Variants in TNIK observed in about 807,000 individuals in gnomAD.
TNIK encodes the protein TRAF2 and NCK interacting kinase, also known as TRAF2 and NCK-interacting protein kinase.
TNIK carries 49 observed loss-of-function variants against 191.3 expected under a neutral mutation model. The ratio of observed to expected loss-of-function variants is 0.26; its 90% CI spans 0.20 to 0.32. The LOEUF (loss-of-function observed/expected upper bound fraction) is 0.32, where lower values mean the gene tolerates loss of function less well. Among genes scored for constraint, TNIK ranks in the 10% least tolerant of loss-of-function variants. The pLI is 1.00. For synonymous variants in TNIK, 594 were observed against 600.9 expected, an observed-to-expected ratio of 0.99 and a Z score of 0.17; for missense variants, 1,155 against 1,702.3, an observed-to-expected ratio of 0.68 and a Z score of 5.66.
intron 2 of TNIK, among the ~76,000 whole-genome samples, chr3:171,302,205 C>G (rs1417297544): frequency 2.0e-5 from 3 of 152,088 alleles, no homozygotes; most frequent in South Asian, 2.1e-4. Flanking sequence ...TTGGATGAAG[C>G]CTGTGTTCTT....
chr3:171,458,383 A>G (rs1322644558), intron 1 of TNIK, among the ~76,000 whole-genome samples: 1 of 152,106 alleles, frequency 6.6e-6, no homozygotes, highest in East Asian at 1.9e-4. Context: ...CACTCCAGGG[A>G]AATAGACAGC....
chr3:171,163,777 A>C (rs1734287423), intron 10 of TNIK, among the ~76,000 whole-genome samples: 1 of 152,226 alleles, frequency 6.6e-6, no homozygotes, highest in Non-Finnish European at 1.5e-5. Context: ...TAAATCCTTC[A>C]TTTGTCAGGC....
chr3:171,101,505 A>ATCTTCCTCC lies in TNIK; in HGVS notation c.2526_2534dup (p.Glu842_Glu844dup), dbSNP rs770805507. On this transcript the variant is annotated inframe_insertion, in exon 22 of 33. Transcript: ENST00000436636. ...TCCCATCATGGGTCTCGCTCTCTCCATCTTCCTCCTCTTCCTCGCTACTTT... is the reference window on the plus strand; with the variant it reads ...TCCCATCATGGGTCTCGCTCTCTCCATCTTCCTCCTCTTCCTCCTCTTCCTCGCTACTTT... The ATCTTCCTCC allele has an allele frequency of 6.2e-7, 1 of 1,613,462 alleles. No individual in the cohort carries two copies. The highest frequency in any genetic ancestry group is 2.2e-5 in the East Asian group (1 of 44,884).
chr3:171,302,199 A>G (rs894612396), intron 2 of TNIK, among the ~76,000 whole-genome samples: 1 of 152,132 alleles, frequency 6.6e-6, no homozygotes, highest in Non-Finnish European at 1.5e-5. Context: ...GGCCACTTGG[A>G]TGAAGCCTGT....
At chr3:171,133,311 A>T (rs1424786753) in intron 15 of TNIK, among the ~76,000 whole-genome samples, 2 of 152,246 alleles carry the variant, frequency 1.3e-5, no homozygotes, top group Non-Finnish European at 2.9e-5. Context: ...AGAAGTGCTT[A>T]TCTATCACCT....
intron 2 of TNIK, among the ~76,000 whole-genome samples, chr3:171,238,131 G>T (rs1028599754): frequency 1.3e-5 from 2 of 152,124 alleles, no homozygotes; most frequent in African/African-American, 4.8e-5. Context: ...CCTGCATATT[G>T]TTCTCTGGGA....
At chr3:171,234,432 A>G (rs1309841190) in intron 2 of TNIK, among the ~76,000 whole-genome samples, 1 of 152,194 alleles carries the variant, frequency 6.6e-6, no homozygotes, top group Non-Finnish European at 1.5e-5. Flanking sequence ...AGGTAAAGCA[A>G]GGTACCGACT....
At chr3:171,370,907 T>A (rs140311934) in intron 1 of TNIK, among the ~76,000 whole-genome samples, 86 of 152,294 alleles carry the variant, frequency 5.6e-4, no homozygotes, top group Non-Finnish European at 1.0e-3. Flanking sequence ...CTGTCTCTAC[T>A]GGACACTTAC....
intron 1 of TNIK, among the ~76,000 whole-genome samples, chr3:171,455,987 G>A (rs1332189294): frequency 6.6e-6 from 1 of 152,236 alleles, no homozygotes; most frequent in East Asian, 1.9e-4. Flanking sequence ...GCAAAGGGAT[G>A]TATGCAAGGC....
At chr3:171,094,658 A>G (rs1207886755) in intron 22 of TNIK, among the ~76,000 whole-genome samples, 2 of 152,028 alleles carry the variant, frequency 1.3e-5, no homozygotes, top group South Asian at 2.1e-4. Flanking sequence ...GCTTTTACAC[A>G]TGCTGTTCCC....
chr3:171,179,163 C>G (rs1736334787), intron 7 of TNIK, among the ~76,000 whole-genome samples: 1 of 152,210 alleles, frequency 6.6e-6, no homozygotes, highest in African/African-American at 2.4e-5. Context: ...ACAACACCAT[C>G]ATTCTAAGAC....
At chr3:171,446,100 T>G (rs770048239) in intron 1 of TNIK, among the ~76,000 whole-genome samples, 1 of 152,192 alleles carries the variant, frequency 6.6e-6, no homozygotes, top group Non-Finnish European at 1.5e-5. Flanking sequence ...AACTCTAACT[T>G]TCCCATCATT....
At chr3:171,070,018 A>T (rs183344847) in intron 29 of TNIK, among the ~76,000 whole-genome samples, 12 of 152,146 alleles carry the variant, frequency 7.9e-5, no homozygotes, top group Non-Finnish European at 1.0e-4. Flanking sequence ...GCACTCTCTC[A>T]TGTGTCTCTG....
chr3:171,082,961 T>G (rs375514293), intron 26 of TNIK, among the ~76,000 whole-genome samples: 21 of 152,322 alleles, frequency 1.4e-4, no homozygotes, highest in African/African-American at 5.1e-4. Context: ...AGAGAAGTGT[T>G]AATAGCTGGA....
At chr3:171,074,480 C>A (rs754715026) in intron 28 of TNIK, among the ~76,000 whole-genome samples, 2 of 151,810 alleles carry the variant, frequency 1.3e-5, no homozygotes, top group Non-Finnish European at 2.9e-5. Flanking sequence ...ATGAAACAAA[C>A]CTGCATATGT....
In TNIK at chr3:171,066,377, A is replaced by G. The variant is rs1718427397; in HGVS notation, c.3860-51T>C. ...CATTAAAAACATTAGATGGGCAATA[A>G]CTCACAGCATCTGTTCACATCTTAA... On this transcript the variant is annotated intron_variant, in intron 31 of 32. Coordinates refer to ENST00000436636, the MANE Select transcript of TNIK (RefSeq NM_015028.4). The G allele has an allele frequency of 1.9e-6, 3 of 1,609,012 alleles. No individual in the cohort carries two copies. The South Asian group carries it at 3.3e-5, about 18-fold the overall frequency.
rs566131473 is a variant in TNIK, at chr3:171,402,558, A to AT, written c.58-32874dup. ...CTATTATTGTTAATAAAGTGTGAAA[A>AT]TTTTTTCCTTCATAGATTGACCGTG... On this transcript the variant is annotated intron_variant, in intron 1 of 32. Coordinates refer to ENST00000436636, the MANE Select transcript of TNIK (RefSeq NM_015028.4). 5.7e-3 allele frequency among the ~76,000 whole-genome samples: 875 copies of AT among 152,188 alleles called. 6 individuals are homozygous for AT. The highest frequency in any genetic ancestry group is 0.018 in the African/African-American group (745 of 41,516).
At chr3:171,315,418 A>G (rs1164921281) in intron 2 of TNIK, among the ~76,000 whole-genome samples, 2 of 152,100 alleles carry the variant, frequency 1.3e-5, no homozygotes, top group East Asian at 1.9e-4. Context: ...CTTTCATCCA[A>G]ATTCAATCAT....
intron 2 of TNIK, among the ~76,000 whole-genome samples, chr3:171,363,800 A>C (rs1246949907): frequency 6.6e-6 from 1 of 152,264 alleles, no homozygotes; most frequent in Non-Finnish European, 1.5e-5. Context: ...CAGTTTTGAC[A>C]ATATTGATTC....
Sources: allele counts gnomAD v4.1 joint callset (sites outside exome capture counted in the v4.1 genomes callset), GRCh38; gene constraint gnomAD v4.1.1; transcripts MANE v1.5; gene names NCBI Gene and HGNC (gene_info 2026-07-23, HGNC 2026-07-21).